The following KCNIP4 variants were observed in gnomAD, a reference collection of about 807,000 sequenced individuals.
The protein encoded by KCNIP4 is Kv channel-interacting protein 4.
A neutral mutation model predicts 34.0 loss-of-function variants in KCNIP4; 12 were observed. The ratio of observed to expected loss-of-function variants is 0.35; its 90% confidence interval spans 0.23 to 0.57. The LOEUF (loss-of-function observed/expected upper bound fraction) is 0.57, where lower values mean the gene tolerates loss of function less well. KCNIP4 is among the 20% of genes least tolerant of loss of function. The pLI is 0.83. For synonymous variants in KCNIP4, 124 were observed against 102.2 expected (o/e 1.21, Z -1.29); for missense variants, 238 against 311.7 (o/e 0.76, Z 1.78).
intron 1 of KCNIP4, among the ~76,000 whole-genome samples, chr4:21,928,248 CCT>C (rs1729381029): frequency 6.6e-6 from 1 of 151,850 alleles, no homozygotes; most frequent in Non-Finnish European, 1.5e-5. Context: ...GACCTAATTC[CCT>C]GAGTCACCCT....
intron 1 of KCNIP4, among the ~76,000 whole-genome samples, chr4:21,358,064 C>G (rs187675005): frequency 7.9e-5 from 12 of 152,158 alleles, no homozygotes; most frequent in Non-Finnish European, 1.8e-4. Context: ...CAAATTATCA[C>G]AAGGACAGAA....
chr4:21,688,964 T>C (rs1279790807), intron 1 of KCNIP4, among the ~76,000 whole-genome samples: 1 of 152,030 alleles, frequency 6.6e-6, no homozygotes, highest in East Asian at 1.9e-4. Context: ...TTGACTGAAA[T>C]AGTAAGAGAT....
chr4:21,728,921 G>T (rs1352176042), intron 1 of KCNIP4, among the ~76,000 whole-genome samples: 1 of 151,920 alleles, frequency 6.6e-6, no homozygotes, highest in Non-Finnish European at 1.5e-5. Context: ...TCCCTTCTTT[G>T]GTTTATTTTA....
At chr4:21,674,104 G>T (rs1445116749) in intron 1 of KCNIP4, among the ~76,000 whole-genome samples, 1 of 152,208 alleles carries the variant, frequency 6.6e-6, no homozygotes, top group Admixed American at 6.5e-5. Flanking sequence ...ATTTAGAGAG[G>T]AGAATATTAA....
intron 1 of KCNIP4, among the ~76,000 whole-genome samples, chr4:21,941,047 C>A (rs1730177047): frequency 6.6e-6 from 1 of 152,040 alleles, no homozygotes; most frequent in African/African-American, 2.4e-5. Context: ...AAAGTAGTTT[C>A]TCATGCTATC....
chr4:20,978,324 C>T (rs991404189), intron 1 of KCNIP4, among the ~76,000 whole-genome samples: 1 of 152,134 alleles, frequency 6.6e-6, no homozygotes, highest in Non-Finnish European at 1.5e-5. Flanking sequence ...GAAAGTGATA[C>T]TGGAAGTTAC....
At chr4:21,902,939 G>T (rs927751141) in intron 1 of KCNIP4, among the ~76,000 whole-genome samples, 1 of 152,120 alleles carries the variant, frequency 6.6e-6, no homozygotes, top group African/African-American at 2.4e-5. Flanking sequence ...CTGTTTCTGG[G>T]CATCTTCATA....
At chr4:21,211,074 C>T (rs1271501599) in intron 1 of KCNIP4, among the ~76,000 whole-genome samples, 2 of 152,072 alleles carry the variant, frequency 1.3e-5, no homozygotes, top group African/African-American at 4.8e-5. Context: ...TAATCTCTTA[C>T]CAGGTGATAG....
At chr4:20,818,636 C>A (rs1290166797) in intron 3 of KCNIP4, among the ~76,000 whole-genome samples, 1 of 152,104 alleles carries the variant, frequency 6.6e-6, no homozygotes, top group Non-Finnish European at 1.5e-5. Context: ...TGTGAGAGAA[C>A]TGGTTGGTAC....
intron 3 of KCNIP4, among the ~76,000 whole-genome samples, chr4:20,776,159 T>C (rs1756350380): frequency 6.6e-6 from 1 of 152,206 alleles, no homozygotes; most frequent in African/African-American, 2.4e-5. Flanking sequence ...ATTATTTCAA[T>C]CAGCAAGGGA....
intron 1 of KCNIP4, among the ~76,000 whole-genome samples, chr4:20,890,966 TCACA>T (rs1725857662): frequency 6.6e-6 from 1 of 152,152 alleles, no homozygotes; most frequent in Non-Finnish European, 1.5e-5. Context: ...GGAAATGCCA[TCACA>T]TGTCAGTGTC....
At chr4:21,402,653 A>G (rs1322648872) in intron 1 of KCNIP4, among the ~76,000 whole-genome samples, 7 of 152,078 alleles carry the variant, frequency 4.6e-5, no homozygotes, top group Non-Finnish European at 7.4e-5. Context: ...TGAAACATCC[A>G]CACAATCCCA....
chr4:21,501,248 T>TCTCACACACACACACA lies in KCNIP4; in HGVS notation c.61+447322_61+447323insTGTGTGTGTGTGTGAG, dbSNP rs764571152. Among the ~76,000 whole-genome samples, 4 of 104,292 alleles carry TCTCACACACACACACA rather than the reference T, an allele frequency of 3.8e-5. No homozygotes were observed. The South Asian group carries it at 1.2e-3, about 31-fold the overall frequency. 68.4% of individuals were successfully genotyped at this position (104,292 alleles called of 152,430 possible). On this transcript the variant is annotated intron_variant, in intron 1 of 8. Coordinates refer to ENST00000382152, the MANE Select transcript of KCNIP4 (RefSeq NM_025221.6). ...TTCTCTCTCTCTCTCTCTCTCTCTC[T>TCTCACACACACACACA]CACACACACACACACACACACACAC...
chr4:20,956,592 A>T (rs1733331699), intron 1 of KCNIP4, among the ~76,000 whole-genome samples: 1 of 152,232 alleles, frequency 6.6e-6, no homozygotes, highest in Non-Finnish European at 1.5e-5. Flanking sequence ...GTGATGTTCA[A>T]AAATGTACTC....
chr4:20,754,712 C>T (rs1754209460), intron 4 of KCNIP4, among the ~76,000 whole-genome samples: 2 of 152,066 alleles, frequency 1.3e-5, no homozygotes, highest in South Asian at 4.1e-4. Context: ...TCCCTAATCC[C>T]TTTGGATTTT....
chr4:20,853,091 C>T (rs1363761917), intron 2 of KCNIP4, among the ~76,000 whole-genome samples: 1 of 152,156 alleles, frequency 6.6e-6, no homozygotes, highest in African/African-American at 2.4e-5. Flanking sequence ...ATAATCCCCA[C>T]AGAATACCAT....
chr4:20,803,292 A>C (rs1714594049), intron 3 of KCNIP4, among the ~76,000 whole-genome samples: 1 of 151,510 alleles, frequency 6.6e-6, no homozygotes, highest in Admixed American at 6.6e-5. Flanking sequence ...GCAGAAGGAA[A>C]GGAATAATAA....
At chr4:21,061,995 T>C (rs1482762030) in intron 1 of KCNIP4, among the ~76,000 whole-genome samples, 1 of 152,192 alleles carries the variant, frequency 6.6e-6, no homozygotes, top group Non-Finnish European at 1.5e-5. Context: ...TGTTCACATC[T>C]TGATCTTTGA....
chr4:21,045,586 A>G (rs1742360664), intron 1 of KCNIP4, among the ~76,000 whole-genome samples: 1 of 152,334 alleles, frequency 6.6e-6, no homozygotes, highest in South Asian at 2.1e-4. Context: ...TTTCTATGCT[A>G]CTTTCCTCTT....
Sources: allele counts gnomAD v4.1 joint callset (sites outside exome capture counted in the v4.1 genomes callset), GRCh38; gene constraint gnomAD v4.1.1; transcripts MANE v1.5; gene names NCBI Gene and HGNC (gene_info 2026-07-23, HGNC 2026-07-21).